The following C4orf51 variants were observed in gnomAD, a reference collection of about 807,000 sequenced individuals.
C4orf51 encodes chromosome 4 open reading frame 51, also known as uncharacterized protein C4orf51.
In C4orf51, 25 loss-of-function variants were observed where a neutral mutation model predicts 25.2. The observed-to-expected ratio is 0.99, with a 90% CI of 0.72 to 1.39. The LOEUF (loss-of-function observed/expected upper bound fraction) is 1.39, where lower values mean the gene tolerates loss of function less well. C4orf51 is among the 40% of genes most tolerant of loss of function. The probability of loss-of-function intolerance (pLI) is 0.00; values close to 1 mark genes in which losing one functional copy is unlikely to be tolerated. For synonymous variants in C4orf51, 100 were observed against 84.5 expected (o/e 1.18, Z -1.01); for missense variants, 252 against 239.6 (o/e 1.05, Z -0.34).
intron 1 of C4orf51, among the ~76,000 whole-genome samples, chr4:145,769,743 C>G (rs772726363): frequency 2.9e-4 from 44 of 152,302 alleles, no homozygotes; most frequent in South Asian, 2.1e-4. Flanking sequence ...TCACAAAGAT[C>G]TTGGTGAAGG....
the C4orf51 span, among the ~76,000 whole-genome samples, chr4:145,782,116 C>A: frequency 6.6e-6 from 1 of 152,204 alleles, no homozygotes; most frequent in Non-Finnish European, 1.5e-5. Flanking sequence ...AGTCCCACGC[C>A]CAACTCCAAG....
chr4:145,727,922 T>TATATATATATATATAG (rs1234382844), intron 3 of C4orf51, among the ~76,000 whole-genome samples: 1 of 96,946 alleles, frequency 1.0e-5, no homozygotes, highest in Non-Finnish European at 1.9e-5. Context: ...TATATATATA[T>TATATATATATATATAG]AAAATATATT....
In C4orf51 at chr4:145,726,917, T is replaced by C; in HGVS notation, c.314T>C (p.Phe105Ser). The C allele has an allele frequency of 6.2e-7, 1 of 1,612,754 alleles. No homozygotes were observed. Among genetic ancestry groups the C allele is most frequent in the East Asian group, 2.2e-5 (1 of 44,876 alleles). ...TQETTDIKGL[F>S]PDITRPFKKS... ...CCTCTTCATGTGCATGCAGGACTAT[T>C]CCCTGATATAACCAGGCCCTTTAAA... Residue 105 changes from phenylalanine (F) to serine (S), a missense_variant, in exon 3 of 6, where the codon TTC becomes TCC. By Grantham distance (155) the Phe-to-Ser change is radical. Transcript: ENST00000438731.
chr4:145,722,759 A>G (rs1170011275), intron 2 of C4orf51, among the ~76,000 whole-genome samples: 1 of 152,158 alleles, frequency 6.6e-6, no homozygotes, highest in Admixed American at 6.5e-5. Flanking sequence ...CTTCATCTGC[A>G]TTTATGGCCA....
chr4:145,710,923 C>A (rs1731096503), intron 2 of C4orf51, among the ~76,000 whole-genome samples: 1 of 152,098 alleles, frequency 6.6e-6, no homozygotes, highest in Admixed American at 6.5e-5. Flanking sequence ...CATCCAGAGG[C>A]AAAACTTATC....
At chr4:145,788,266 T>C in the C4orf51 span, among the ~76,000 whole-genome samples, 2 of 152,208 alleles carry the variant, frequency 1.3e-5, no homozygotes, top group African/African-American at 4.8e-5. Flanking sequence ...GCAGGTCATA[T>C]TAAATCAATA....
chr4:145,706,140 CAG>C (rs1730796830), intron 2 of C4orf51, among the ~76,000 whole-genome samples: 1 of 152,140 alleles, frequency 6.6e-6, no homozygotes. Flanking sequence ...GTTTTTGAAA[CAG>C]ATTTTTTTTC....
At chr4:145,692,003 CTTTAGAAAAAGTTTGGTTTT>C (rs1729608007) in intron 1 of C4orf51, among the ~76,000 whole-genome samples, 2 of 86,904 alleles carry the variant, frequency 2.3e-5, no homozygotes, top group African/African-American at 1.3e-4. Flanking sequence ...TGATATTGCT[CTTTAGAAAAAGTTTGGTTTT>C]ACTTTCTACA....
chr4:145,707,501 G>A (rs1730881931), intron 2 of C4orf51, among the ~76,000 whole-genome samples: 1 of 152,182 alleles, frequency 6.6e-6, no homozygotes, highest in Admixed American at 6.5e-5. Flanking sequence ...CTATACCACT[G>A]GGTAGGACGG....
the C4orf51 span, among the ~76,000 whole-genome samples, chr4:145,788,024 C>G: frequency 1.8e-4 from 28 of 152,270 alleles, no homozygotes; most frequent in Admixed American, 1.4e-3. Context: ...GTAATGACCC[C>G]AGGTAACCTG....
In C4orf51 at chr4:145,765,437, C is replaced by A; in HGVS notation, n.167-5551C>A. ...TTAGGTGAGGCCCAGCATACTGCATCCTGGGCCTATTATCAGTTTTTGACA... is the reference window on the plus strand; with the variant it reads ...TTAGGTGAGGCCCAGCATACTGCATACTGGGCCTATTATCAGTTTTTGACA... On this transcript the variant is annotated intron_variant and non_coding_transcript_variant, in intron 1 of 1. Transcript: ENST00000510096. The surrounding 1 kb of genome is among the most constrained non-coding windows in gnomAD (Gnocchi z 4.7). 1 of 1,306,140 alleles carries A rather than the reference C, an allele frequency of 7.7e-7. No homozygotes were observed. 80.9% of individuals were successfully genotyped at this position (1,306,140 alleles called of 1,614,324 possible).
chr4:145,721,073 G>T (rs562837363), intron 2 of C4orf51, among the ~76,000 whole-genome samples: 1 of 152,190 alleles, frequency 6.6e-6, no homozygotes, highest in African/African-American at 2.4e-5. Flanking sequence ...ATGGCCAGGT[G>T]TGGTGGCTCA....
intron 1 of C4orf51, among the ~76,000 whole-genome samples, chr4:145,680,895 A>C (rs1196492601): frequency 6.6e-6 from 1 of 152,200 alleles, no homozygotes; most frequent in Non-Finnish European, 1.5e-5. Context: ...TGATAAGCCC[A>C]TAATCAAAAA....
At chr4:145,702,610 A>G (rs939120624) in intron 2 of C4orf51, among the ~76,000 whole-genome samples, 2 of 152,214 alleles carry the variant, frequency 1.3e-5, no homozygotes, top group African/African-American at 4.8e-5. Flanking sequence ...CACAGCTGAT[A>G]TCGCCTGGTG....
chr4:145,718,623 T>G (rs1363525867), intron 2 of C4orf51, among the ~76,000 whole-genome samples: 2 of 152,228 alleles, frequency 1.3e-5, no homozygotes, highest in East Asian at 3.8e-4. Flanking sequence ...TCTTAATGCA[T>G]AAACAGAATA....
At chr4:145,713,108 T>C (rs1731222520) in intron 2 of C4orf51, among the ~76,000 whole-genome samples, 1 of 152,216 alleles carries the variant, frequency 6.6e-6, no homozygotes, top group Non-Finnish European at 1.5e-5. Context: ...CGACTGACAA[T>C]GCACCTGGTC....
chr4:145,696,256 G>A (rs1578941177), intron 1 of C4orf51, among the ~76,000 whole-genome samples: 1 of 152,168 alleles, frequency 6.6e-6, no homozygotes, highest in African/African-American at 2.4e-5. Flanking sequence ...GTGAGTCTCC[G>A]TCTCAAAAAA....
chr4:145,714,745 G>C lies in C4orf51; in HGVS notation c.308-12166G>C, dbSNP rs140104090. Among the ~76,000 whole-genome samples, 122 of 152,272 alleles carry C rather than the reference G, an allele frequency of 8.0e-4. 1 individual carries two copies. The highest frequency in any genetic ancestry group is 1.4e-3 in the Admixed American group (21 of 15,294). On this transcript the variant is annotated intron_variant, in intron 2 of 5. Coordinates refer to ENST00000438731, the MANE Select transcript of C4orf51 (RefSeq NM_001080531.3). Reference sequence around the variant, plus strand: ...TTATTGCTCAAAGTCTTGAGTTACTGGCTTTGCCTTTGGAGATATAGTCAT... The same window carrying C: ...TTATTGCTCAAAGTCTTGAGTTACTCGCTTTGCCTTTGGAGATATAGTCAT...
At chr4:145,701,197 G>A (rs1025304717) in intron 2 of C4orf51, among the ~76,000 whole-genome samples, 30 of 91,036 alleles carry the variant, frequency 3.3e-4, no homozygotes, top group Non-Finnish European at 5.1e-4. Context: ...CTCAAACCCC[G>A]CAACAGGACT....
Sources: gnomAD v4.1 joint callset for allele counts (sites outside exome capture counted in the v4.1 genomes callset) on GRCh38, gnomAD v4.1.1 for gene constraint, Gnocchi (gnomAD v3.1) non-coding constraint, MANE v1.5 for transcripts, NCBI Gene and HGNC (gene_info 2026-07-23, HGNC 2026-07-21) for gene names.